The following SCHIP1 variants were observed in gnomAD, a reference collection of about 807,000 sequenced individuals.
SCHIP1 encodes the protein schwannomin interacting protein 1.
A neutral mutation model predicts 29.7 loss-of-function variants in SCHIP1; 8 were observed. The ratio of observed to expected loss-of-function variants is 0.27; its 90% CI spans 0.16 to 0.49. The LOEUF (loss-of-function observed/expected upper bound fraction) is 0.49, where lower values mean the gene tolerates loss of function less well. Among genes scored for constraint, SCHIP1 ranks in the 20% least tolerant of loss-of-function variants. The pLI, the probability that SCHIP1 is intolerant of heterozygous loss-of-function variation, is 0.99. For synonymous variants in SCHIP1, 76 were observed against 94.9 expected (o/e 0.80, Z 1.16); for missense variants, 193 against 294.6 (o/e 0.66, Z 2.52).
the SCHIP1 span, among the ~76,000 whole-genome samples, chr3:159,445,442 G>A: frequency 6.8e-6 from 1 of 146,028 alleles, no homozygotes; most frequent in East Asian, 2.0e-4. Context: ...CTGTAAACTA[G>A]TTCAACCATT....
chr3:159,598,568 C>T, the SCHIP1 span, among the ~76,000 whole-genome samples: 5 of 152,184 alleles, frequency 3.3e-5, no homozygotes, highest in East Asian at 9.6e-4. Flanking sequence ...AAGAAGTGGG[C>T]TCCCACAGCC....
the SCHIP1 span, among the ~76,000 whole-genome samples, chr3:159,520,096 T>TA: frequency 0.01 from 833 of 82,890 alleles, 4 homozygotes; most frequent in East Asian, 0.066. Flanking sequence ...CCTCATCAAA[T>TA]AAAAAAAAAA....
At chr3:159,687,558 T>A in the SCHIP1 span, among the ~76,000 whole-genome samples, 1 of 152,180 alleles carries the variant, frequency 6.6e-6, no homozygotes, top group East Asian at 1.9e-4. Flanking sequence ...TTCAGAACTT[T>A]GCTGTCAGAG....
chr3:159,704,437 A>AT, the SCHIP1 span, among the ~76,000 whole-genome samples: 1 of 150,804 alleles, frequency 6.6e-6, no homozygotes, highest in Non-Finnish European at 1.5e-5. Context: ...AAAAAAAAAA[A>AT]AAAAAAATTG....
At chr3:159,553,309 G>A in the SCHIP1 span, among the ~76,000 whole-genome samples, 1 of 150,076 alleles carries the variant, frequency 6.7e-6, no homozygotes, top group Admixed American at 6.6e-5. Flanking sequence ...TGACCCATTT[G>A]TTTTATGAGG....
At chr3:159,634,334 AAAAG>A in the SCHIP1 span, among the ~76,000 whole-genome samples, 2 of 152,328 alleles carry the variant, frequency 1.3e-5, no homozygotes, top group East Asian at 3.9e-4. Context: ...AAATAAGAAA[AAAAG>A]AAATAAACTA....
chr3:159,635,273 C>T, the SCHIP1 span, among the ~76,000 whole-genome samples: 1 of 152,160 alleles, frequency 6.6e-6, no homozygotes, highest in East Asian at 1.9e-4. Context: ...CGGGCAGGAG[C>T]TCCTAGCCAG....
At chr3:159,304,441 A>G in the SCHIP1 span, among the ~76,000 whole-genome samples, 1 of 152,156 alleles carries the variant, frequency 6.6e-6, no homozygotes, top group Non-Finnish European at 1.5e-5. Flanking sequence ...TACTTCGTTA[A>G]TATTTCTAAC....
chr3:159,274,312 G>C, the SCHIP1 span: 1 of 983,428 alleles, frequency 1.0e-6, no homozygotes, highest in Non-Finnish European at 1.2e-6. Flanking sequence ...TTTCAATTTA[G>C]ATTATACTTT....
chr3:159,747,074 GCT>G, the SCHIP1 span, among the ~76,000 whole-genome samples: 1 of 152,114 alleles, frequency 6.6e-6, no homozygotes, highest in Non-Finnish European at 1.5e-5. Flanking sequence ...ACCTCTTTCA[GCT>G]CTCTCTCCCC....
chr3:159,720,149 G>T, the SCHIP1 span, among the ~76,000 whole-genome samples: 1 of 146,478 alleles, frequency 6.8e-6, no homozygotes, highest in Admixed American at 7.3e-5. Flanking sequence ...AACACCGCAT[G>T]TTCTCACTCA....
At chr3:159,312,627 T>C in the SCHIP1 span, among the ~76,000 whole-genome samples, 1 of 152,142 alleles carries the variant, frequency 6.6e-6, no homozygotes, top group African/African-American at 2.4e-5. Context: ...TCTCTCTCTC[T>C]CCCCATTTTG....
chr3:159,472,378 A>T, the SCHIP1 span, among the ~76,000 whole-genome samples: 810 of 152,260 alleles, frequency 5.3e-3, 5 homozygotes, highest in African/African-American at 0.018. Context: ...ACAACCTCAC[A>T]ACTTCCATTT....
At chr3:159,885,867 C>T (rs958634783) in intron 2 of SCHIP1, among the ~76,000 whole-genome samples, 1 of 152,208 alleles carries the variant, frequency 6.6e-6, no homozygotes, top group Non-Finnish European at 1.5e-5. Context: ...CTTATTTGCC[C>T]GAGGACCCCA....
the SCHIP1 span, among the ~76,000 whole-genome samples, chr3:159,561,000 G>C: frequency 1.3e-5 from 2 of 152,148 alleles, no homozygotes; most frequent in East Asian, 3.8e-4. Flanking sequence ...TTCTGTTGAA[G>C]ACTTATTTTT....
chr3:159,664,715 G>A, the SCHIP1 span, among the ~76,000 whole-genome samples: 2 of 152,176 alleles, frequency 1.3e-5, no homozygotes, highest in Non-Finnish European at 2.9e-5. Context: ...TTTATAAGAG[G>A]CATATAAGAC....
At chr3:159,725,528 G>A in the SCHIP1 span, among the ~76,000 whole-genome samples, 1 of 152,188 alleles carries the variant, frequency 6.6e-6, no homozygotes, top group Non-Finnish European at 1.5e-5. Context: ...GCCTTCCAAA[G>A]TGCTGCAATC....
chr3:159,708,978 G>C, the SCHIP1 span, among the ~76,000 whole-genome samples: 2 of 152,164 alleles, frequency 1.3e-5, no homozygotes, highest in South Asian at 2.1e-4. Flanking sequence ...AACCCAATTG[G>C]AAGCCAGAGA....
At chr3:159,283,513 C>CTT in the SCHIP1 span, among the ~76,000 whole-genome samples, 2 of 145,522 alleles carry the variant, frequency 1.4e-5, no homozygotes, top group African/African-American at 5.0e-5. Context: ...GGATTATTTC[C>CTT]TTTTTTTTTT....
Sources: allele counts gnomAD v4.1 joint callset (sites outside exome capture counted in the v4.1 genomes callset), GRCh38; gene constraint gnomAD v4.1.1; transcripts MANE v1.5; gene names NCBI Gene and HGNC (gene_info 2026-07-23, HGNC 2026-07-21).